Variants in DNAH14 observed in about 807,000 individuals in gnomAD.
DNAH14 encodes dynein axonemal heavy chain 14.
In DNAH14, 478 loss-of-function variants were observed where a neutral mutation model predicts 520.9. That is an observed-to-expected ratio of 0.92 (90% CI 0.85 to 0.99). The LOEUF (loss-of-function observed/expected upper bound fraction) is 0.99. DNAH14 is among the 50% of genes least tolerant of loss of function. The pLI, the probability that DNAH14 is intolerant of heterozygous loss-of-function variation, is 0.00. For synonymous variants in DNAH14, 1,581 were observed against 1,757.2 expected (o/e 0.90, Z 2.51); for missense variants, 4,831 against 5,234.5 (o/e 0.92, Z 2.38).
intron 55 of DNAH14, among the ~76,000 whole-genome samples, chr1:225,295,307 T>C (rs1392999992): frequency 6.6e-6 from 1 of 152,168 alleles, no homozygotes; most frequent in African/African-American, 2.4e-5. Context: ...GGTTCGTTTG[T>C]TCTTGCTTTT....
intron 12 of DNAH14, among the ~76,000 whole-genome samples, chr1:225,042,378 T>C (rs1272364739): frequency 6.6e-6 from 1 of 152,178 alleles, no homozygotes; most frequent in African/African-American, 2.4e-5. Context: ...TGTTAGTATA[T>C]GTATATTAAA....
In DNAH14 at chr1:225,007,477, A is replaced by C. The variant is rs762492937; in HGVS notation, c.1040A>C (p.Gln347Pro). ...FCEEQLQQAT[Q>P]ALKQLEDIRN... is the part of the protein sequence containing the mutation. ...GAAGAGCAGTTACAGCAAGCTACCC[A>C]GGCATTGAAACAACTTGAGGACATC... is the stretch of plus-strand genomic sequence containing the variant. The change falls in exon 10 of 86, where the codon CAG becomes CCG. Residue 347 changes from glutamine (Q) to proline (P), a missense_variant. Transcript: ENST00000682510. 3.4e-5 allele frequency: 53 copies of C among 1,541,960 alleles called. 1 individual carries two copies. The highest frequency in any genetic ancestry group is 4.4e-5 in the Non-Finnish European group (50 of 1,141,468).
rs140036826 is a variant in DNAH14 at position 225,360,042 on chromosome 1, C to T, written c.11777-639C>T. 9.2e-3 allele frequency among the ~76,000 whole-genome samples: 1,397 copies of T among 152,248 alleles called. 9 individuals carry two copies. Among genetic ancestry groups the T allele is most frequent in the Non-Finnish European group, 0.015 (1,014 of 68,012 alleles). On this transcript the variant is annotated intron_variant, in intron 74 of 85. Coordinates refer to ENST00000682510, the MANE Select transcript of DNAH14 (RefSeq NM_001367479.1). ...GCCCCAGTATGTGTTGTTCCCCCCA[C>T]GTTTGTCCATGTGTTCTCATTGCTC...
In DNAH14 at chr1:225,358,664, G is replaced by T. The variant is rs1377829307; in HGVS notation, c.11776+12G>T. On this transcript the variant is annotated intron_variant, in intron 74 of 85. Transcript: ENST00000682510. ...TATTCAAACTCATGGTAAGCTATTTGTGAATAGTTAAGATGATCGATATGG... is the reference window on the plus strand; with the variant it reads ...TATTCAAACTCATGGTAAGCTATTTTTGAATAGTTAAGATGATCGATATGG... The T allele has an allele frequency of 1.2e-5, 19 of 1,544,796 alleles. No homozygotes were observed. The highest frequency in any genetic ancestry group is 1.7e-5 in the Non-Finnish European group (19 of 1,145,006).
chr1:225,252,463 G>A (rs1201411113), intron 44 of DNAH14, 46 bp downstream of exon 44: 2 of 1,053,862 alleles, frequency 1.9e-6, no homozygotes, highest in Non-Finnish European at 1.4e-6. Flanking sequence ...AGAATATTGG[G>A]TATACTCTAT....
intron 8 of DNAH14, among the ~76,000 whole-genome samples, chr1:224,974,409 C>G (rs527300404): frequency 2.6e-5 from 4 of 152,226 alleles, no homozygotes; most frequent in Non-Finnish European, 4.4e-5. Context: ...TTCTTGCTTC[C>G]AGGAAGAAGA....
At chr1:224,994,851 T>G (rs2063294048) in intron 8 of DNAH14, among the ~76,000 whole-genome samples, 1 of 152,072 alleles carries the variant, frequency 6.6e-6, no homozygotes, top group African/African-American at 2.4e-5. Context: ...TGCTTTGTGG[T>G]TACCATGAGG....
chr1:225,211,127 A>C (rs2088345463), intron 41 of DNAH14, among the ~76,000 whole-genome samples: 2 of 152,220 alleles, frequency 1.3e-5, no homozygotes, highest in Admixed American at 6.5e-5. Flanking sequence ...CTCGCCAGGA[A>C]GGCAACAAAA....
chr1:225,197,261 C>T (rs1000545666), intron 38 of DNAH14, among the ~76,000 whole-genome samples: 2 of 152,250 alleles, frequency 1.3e-5, no homozygotes, highest in Admixed American at 1.3e-4. Flanking sequence ...CTATATGTGG[C>T]TTGCCAATTA....
intron 27 of DNAH14, among the ~76,000 whole-genome samples, chr1:225,129,659 A>T (rs1250966357): frequency 6.6e-6 from 1 of 151,926 alleles, no homozygotes; most frequent in Non-Finnish European, 1.5e-5. Flanking sequence ...CCTTATACAA[A>T]AATTAATTCA....
At chr1:225,139,996 A>C (rs1342906419) in intron 27 of DNAH14, among the ~76,000 whole-genome samples, 1 of 152,224 alleles carries the variant, frequency 6.6e-6, no homozygotes. Context: ...TGATATAACA[A>C]GTTTCTCATC....
At chr1:225,324,654 T>C (rs2094618571) in intron 63 of DNAH14, 83 bp from the exon 64 acceptor site, 1 of 1,244,558 alleles carries the variant, frequency 8.0e-7, no homozygotes, top group East Asian at 2.5e-5. Flanking sequence ...ATTGACTCTG[T>C]AAATGTCTTT....
intron 64 of DNAH14, among the ~76,000 whole-genome samples, chr1:225,328,144 G>C (rs1263305492): frequency 6.6e-6 from 1 of 152,172 alleles, no homozygotes; most frequent in Admixed American, 6.5e-5. Context: ...GTTTCTCTCT[G>C]AGATACATTA....
chr1:225,360,565 CTT>C, intron 74 of DNAH14, 114 bp from the exon 75 acceptor site: 1 of 1,010,730 alleles, frequency 9.9e-7, no homozygotes, highest in Non-Finnish European at 1.4e-6. Flanking sequence ...AACCTGTAGT[CTT>C]TCCGCTATGA....
chr1:225,126,464 ATTTC>A (rs970753086), intron 27 of DNAH14, among the ~76,000 whole-genome samples: 2 of 152,084 alleles, frequency 1.3e-5, no homozygotes, highest in African/African-American at 4.8e-5. Context: ...GAATTTATCC[ATTTC>A]TTCTAGATTT....
intron 10 of DNAH14, among the ~76,000 whole-genome samples, chr1:225,011,385 T>C (rs1572444225): frequency 6.6e-6 from 1 of 151,458 alleles, no homozygotes; most frequent in East Asian, 1.9e-4. Context: ...GCAAGTACTA[T>C]ATGGTGCTGA....
At chr1:225,274,714 G>A (rs2093423472) in intron 52 of DNAH14, among the ~76,000 whole-genome samples, 1 of 152,176 alleles carries the variant, frequency 6.6e-6, no homozygotes, top group Admixed American at 6.5e-5. Flanking sequence ...AATACTTACG[G>A]AATTGGGTCC....
intron 27 of DNAH14, among the ~76,000 whole-genome samples, chr1:225,138,337 C>T (rs2079141289): frequency 6.6e-6 from 1 of 152,224 alleles, no homozygotes; most frequent in Non-Finnish European, 1.5e-5. Context: ...AGCCACTCTC[C>T]CCATTGGATC....
At chr1:225,367,751 G>A in intron 76 of DNAH14, 54 bp from the exon 77 acceptor site, 2 of 1,272,666 alleles carry the variant, frequency 1.6e-6, no homozygotes, top group Non-Finnish European at 2.2e-6. Flanking sequence ...GTGCCCTGAA[G>A]ACCAGTGCCT....
Sources: gnomAD v4.1 joint callset for allele counts (sites outside exome capture counted in the v4.1 genomes callset) on GRCh38, gnomAD v4.1.1 for gene constraint, MANE v1.5 for transcripts, NCBI Gene and HGNC (gene_info 2026-07-23, HGNC 2026-07-21) for gene names.